Variants in BABAM2 observed in about 807,000 individuals in gnomAD.
BABAM2 encodes BRISC and BRCA1-A complex member 2.
A neutral mutation model predicts 54.7 loss-of-function variants in BABAM2; 31 were observed. The observed-to-expected ratio is 0.57, with a 90% CI of 0.43 to 0.77. The LOEUF (loss-of-function observed/expected upper bound fraction) is 0.77, where lower values mean the gene tolerates loss of function less well. Among genes scored for constraint, BABAM2 ranks in the 30% least tolerant of loss-of-function variants. BABAM2 has a pLI of 0.00. For synonymous variants in BABAM2, 167 were observed against 162.9 expected, an observed-to-expected ratio of 1.03 and a Z score of -0.19; for missense variants, 364 against 455.8, an observed-to-expected ratio of 0.80 and a Z score of 1.83.
intron 7 of BABAM2, among the ~76,000 whole-genome samples, chr2:28,185,425 G>A (rs546427770): frequency 6.6e-6 from 1 of 152,242 alleles, no homozygotes; most frequent in African/African-American, 2.4e-5. Context: ...ATTTTAAATA[G>A]CTTCGTGGAT....
upstream of BABAM2, chr2:27,890,503 G>A (rs1293596643): frequency 3.1e-6 from 2 of 637,264 alleles, no homozygotes; most frequent in African/African-American, 1.8e-5. This position sits in a 1 kb window ranked among gnomAD's most constrained non-coding sequence, Gnocchi z 4.8. Context: ...CGCCCACCAA[G>A]TGTCCCCTCT....
At chr2:27,981,555 C>T (rs1263360641) in intron 3 of BABAM2, among the ~76,000 whole-genome samples, 1 of 152,096 alleles carries the variant, frequency 6.6e-6, no homozygotes, top group East Asian at 1.9e-4. Context: ...TACTTTCTGT[C>T]TCTATGAATT....
intron 6 of BABAM2, among the ~76,000 whole-genome samples, chr2:28,108,064 G>T (rs1396747508): frequency 6.7e-6 from 1 of 148,232 alleles, no homozygotes; most frequent in Non-Finnish European, 1.5e-5. Context: ...TTGCTGTTCC[G>T]TTTTTTTTTT....
chr2:28,332,845 G>A (rs1691081758), intron 11 of BABAM2, among the ~76,000 whole-genome samples: 1 of 152,208 alleles, frequency 6.6e-6, no homozygotes, highest in Non-Finnish European at 1.5e-5. Context: ...AGCAGCTCTA[G>A]ACTGGATTGC....
chr2:28,151,673 A>G (rs1427103961), intron 7 of BABAM2, among the ~76,000 whole-genome samples: 1 of 74,988 alleles, frequency 1.3e-5, no homozygotes, highest in Non-Finnish European at 3.4e-5. Flanking sequence ...AAAACTAATT[A>G]CTAATACAAG....
intron 3 of BABAM2, among the ~76,000 whole-genome samples, chr2:27,978,875 C>T (rs1221026931): frequency 6.6e-6 from 1 of 152,146 alleles, no homozygotes; most frequent in Non-Finnish European, 1.5e-5. Context: ...CTTCCACTTA[C>T]AAGTGAGAAC....
rs894316469 is a variant in BABAM2, at chr2:28,106,154, TA to T, written c.571-23107del. 2.1e-3 allele frequency among the ~76,000 whole-genome samples: 313 copies of T among 150,214 alleles called. 1 individual carries two copies. Among genetic ancestry groups the T allele is most frequent in the African/African-American group, 5.5e-3 (227 of 41,098 alleles). On this transcript the variant is annotated intron_variant, in intron 6 of 11. Coordinates refer to ENST00000379624, the MANE Select transcript of BABAM2 (RefSeq NM_199191.3). ...TTACATATTAATAATTGCAATATGG[TA>T]AAAAAAAAATCAGGAAATTAACATG... is the stretch of plus-strand genomic sequence containing the variant.
intron 3 of BABAM2, among the ~76,000 whole-genome samples, chr2:27,968,819 AG>A (rs753907758): frequency 9.9e-5 from 15 of 152,216 alleles, no homozygotes; most frequent in Non-Finnish European, 2.2e-4. Flanking sequence ...TTGATTTTAT[AG>A]GCTCATAGGT....
At chr2:28,233,275 G>A (rs1266108768) in intron 7 of BABAM2, 5 of 471,178 alleles carry the variant, frequency 1.1e-5, no homozygotes, top group Middle Eastern at 3.3e-4. Flanking sequence ...CACTTAGTGG[G>A]TTAGTCAGGC....
At chr2:28,336,933 C>T (rs1487901384) in intron 11 of BABAM2, among the ~76,000 whole-genome samples, 1 of 152,224 alleles carries the variant, frequency 6.6e-6, no homozygotes, top group African/African-American at 2.4e-5. Flanking sequence ...TGGGTTAGCT[C>T]CTCCACTCCA....
intron 5 of BABAM2, among the ~76,000 whole-genome samples, chr2:28,036,530 G>A (rs1309833928): frequency 1.3e-5 from 2 of 152,162 alleles, no homozygotes; most frequent in African/African-American, 4.8e-5. Flanking sequence ...CTCTGTATGA[G>A]TAATTGGTCT....
chr2:28,144,412 A>G (rs996851254), intron 7 of BABAM2, among the ~76,000 whole-genome samples: 4 of 152,160 alleles, frequency 2.6e-5, no homozygotes, highest in African/African-American at 9.7e-5. Context: ...GGGACTAAAT[A>G]TTTCTCTCAG....
At chr2:28,167,940 A>G (rs539797329) in intron 7 of BABAM2, among the ~76,000 whole-genome samples, 6 of 152,272 alleles carry the variant, frequency 3.9e-5, no homozygotes, top group African/African-American at 1.4e-4. Context: ...CTTCCTCACT[A>G]CTGATGAAGA....
At chr2:28,211,740 T>C (rs192741940) in intron 7 of BABAM2, among the ~76,000 whole-genome samples, 1 of 152,236 alleles carries the variant, frequency 6.6e-6, no homozygotes, top group African/African-American at 2.4e-5. Context: ...GGTCCTATAA[T>C]ATTATATTAA....
intron 3 of BABAM2, among the ~76,000 whole-genome samples, chr2:27,936,261 C>G (rs1668478817): frequency 6.6e-6 from 1 of 152,214 alleles, no homozygotes; most frequent in East Asian, 1.9e-4. Context: ...CCATCTCACA[C>G]CAGTTAGAAT....
intron 4 of BABAM2, among the ~76,000 whole-genome samples, chr2:27,990,557 C>T (rs10175508): frequency 0.65 from 99,304 of 151,858 alleles, 34,147 homozygotes; most frequent in Middle Eastern, 0.8. Flanking sequence ...CTGAAGTATG[C>T]CTTGCAGAAG....
rs182298521 is a variant in BABAM2 at position 27,911,115 on chromosome 2, C to A, written c.128+16431C>A. 2.6e-5 allele frequency among the ~76,000 whole-genome samples: 4 copies of A among 152,220 alleles called. No homozygotes were observed. The East Asian group carries it at 7.7e-4, about 29-fold the overall frequency. On this transcript the variant is annotated intron_variant, in intron 2 of 11. Coordinates refer to ENST00000379624, the MANE Select transcript of BABAM2 (RefSeq NM_199191.3). ...TCCCCTTCTGCTGTGATTGTAAGTT[C>A]CTTGAGGCCTCCCCAGCCATGCTGA... is the stretch of plus-strand genomic sequence containing the variant.
intron 7 of BABAM2, among the ~76,000 whole-genome samples, chr2:28,232,864 A>T (rs1047079943): frequency 2.0e-5 from 3 of 152,208 alleles, no homozygotes; most frequent in Non-Finnish European, 2.9e-5. Context: ...CATGGAAAAG[A>T]CTAGTATTAA....
chr2:28,112,147 T>TTCTTTCTTTCTTTCTTTCCTTCCCTCCC lies in BABAM2; in HGVS notation c.571-17123_571-17122insCTTTCTTTCTTTCTTTCCTTCCCTCCCT, dbSNP rs1558346715. Reference sequence around the variant, plus strand: ...TTTCTTTCTTTCTTTCTTTCTTTCTTTACCTCCCTCCCTCCCTCCCTCCCT... The same window carrying TTCTTTCTTTCTTTCTTTCCTTCCCTCCC: ...TTTCTTTCTTTCTTTCTTTCTTTCTTTCTTTCTTTCTTTCTTTCCTTCCCTCCCTACCTCCCTCCCTCCCTCCCTCCCT... On this transcript the variant is annotated intron_variant, in intron 6 of 11. Transcript: ENST00000379624. Among the ~76,000 whole-genome samples, 7 of 5,240 alleles carry TTCTTTCTTTCTTTCTTTCCTTCCCTCCC rather than the reference T, an allele frequency of 1.3e-3. 2 individuals carry two copies. Among genetic ancestry groups the TTCTTTCTTTCTTTCTTTCCTTCCCTCCC allele is most frequent in the Non-Finnish European group, 1.6e-3 (5 of 3,156 alleles). The allele number at this position is 5,240 out of a possible 152,430, so 3.4% of individuals were successfully genotyped here.
Sources: allele counts gnomAD v4.1 joint callset (sites outside exome capture counted in the v4.1 genomes callset), GRCh38; gene constraint gnomAD v4.1.1; non-coding constraint Gnocchi (gnomAD v3.1); transcripts MANE v1.5; gene names NCBI Gene and HGNC (gene_info 2026-07-23, HGNC 2026-07-21).